Variants in CCDC171 observed in about 807,000 individuals in gnomAD.
CCDC171 encodes coiled-coil domain containing 171.
Under a neutral mutation model 168.2 loss-of-function variants are expected in CCDC171, and 177 were observed. The observed-to-expected ratio is 1.05, with a 90% CI of 0.93 to 1.19. CCDC171 has a LOEUF of 1.19. Among genes scored for constraint, CCDC171 ranks in the 50% most tolerant of loss-of-function variants. The pLI is 0.00. For missense variants in CCDC171, 1,991 were observed against 1,539.0 expected (o/e 1.29, Z -4.91); for synonymous variants, 687 against 540.8 (o/e 1.27, Z -3.75).
At chr9:15,898,597 C>T (rs1260826375) in intron 24 of CCDC171, among the ~76,000 whole-genome samples, 1 of 152,080 alleles carries the variant, frequency 6.6e-6, no homozygotes, top group African/African-American at 2.4e-5. Flanking sequence ...ATGTTTTATT[C>T]TCTTCTTGTT....
the CCDC171 span, among the ~76,000 whole-genome samples, chr9:16,102,511 A>C: frequency 1.5e-4 from 2 of 13,292 alleles, no homozygotes; most frequent in East Asian, 5.1e-3. Context: ...GGGTGGGGGC[A>C]GGGGGGAGGG....
At chr9:15,856,072 T>G (rs2130889562) in intron 23 of CCDC171, among the ~76,000 whole-genome samples, 2 of 152,114 alleles carry the variant, frequency 1.3e-5, no homozygotes, top group South Asian at 4.2e-4. Context: ...CAGGACTCCC[T>G]TTAGCATTTC....
chr9:15,620,829 C>A (rs2044444052), intron 6 of CCDC171, among the ~76,000 whole-genome samples: 1 of 152,172 alleles, frequency 6.6e-6, no homozygotes, highest in Non-Finnish European at 1.5e-5. Context: ...ACTGCCCAGC[C>A]TTCAGCTGCT....
intron 11 of CCDC171, among the ~76,000 whole-genome samples, chr9:15,700,701 G>A (rs1043130077): frequency 2.6e-5 from 4 of 151,868 alleles, no homozygotes; most frequent in African/African-American, 9.7e-5. Context: ...GCCCAGGCTA[G>A]TCTTAAACTC....
chr9:15,887,032 A>G (rs768402002), intron 24 of CCDC171, among the ~76,000 whole-genome samples: 1 of 152,116 alleles, frequency 6.6e-6, no homozygotes, highest in Admixed American at 6.6e-5. Flanking sequence ...CATAAGATGA[A>G]TAATCTCTGG....
chr9:15,803,472 C>A (rs150047735), intron 21 of CCDC171, among the ~76,000 whole-genome samples: 1 of 151,940 alleles, frequency 6.6e-6, no homozygotes, highest in Admixed American at 6.6e-5. Flanking sequence ...TTTCAATTTT[C>A]TGCATATGGC....
chr9:16,009,822 T>C (rs938904518), intron 3 of CCDC171, among the ~76,000 whole-genome samples: 1 of 152,160 alleles, frequency 6.6e-6, no homozygotes, highest in African/African-American at 2.4e-5. Flanking sequence ...TTATTTGAGC[T>C]GCTATAAAAA....
chr9:15,931,456 C>CTTTCT (rs1419009729), intron 25 of CCDC171, among the ~76,000 whole-genome samples: 1 of 44,998 alleles, frequency 2.2e-5, no homozygotes, highest in Admixed American at 2.8e-4. Context: ...TTCTTTCTTT[C>CTTTCT]TTTTTTTTTT....
intron 1 of CCDC171, among the ~76,000 whole-genome samples, chr9:16,054,332 G>C (rs12380692): frequency 0.093 from 14,179 of 152,262 alleles, 928 homozygotes; most frequent in Non-Finnish European, 0.14. Flanking sequence ...ATTCGGGTGT[G>C]CACGAAGTCC....
chr9:15,579,050 GT>G (rs1587106228), intron 4 of CCDC171, 27 bp downstream of exon 4: 1 of 1,590,368 alleles, frequency 6.3e-7, no homozygotes, highest in Non-Finnish European at 8.6e-7. Context: ...TTCTTCCCAA[GT>G]TTAGGGTTGT....
At chr9:16,031,816 A>C (rs970112743) in intron 6 of CCDC171, among the ~76,000 whole-genome samples, 1 of 152,142 alleles carries the variant, frequency 6.6e-6, no homozygotes, top group Non-Finnish European at 1.5e-5. Flanking sequence ...TGGGGTAGCT[A>C]CTGGACACCA....
At chr9:15,569,598 G>A (rs1286285691) in intron 2 of CCDC171, among the ~76,000 whole-genome samples, 1 of 151,858 alleles carries the variant, frequency 6.6e-6, no homozygotes, top group Non-Finnish European at 1.5e-5. Context: ...GGCGGATCAC[G>A]AGGTCAGGAG....
intron 1 of CCDC171, among the ~76,000 whole-genome samples, chr9:16,057,196 C>T (rs949789875): frequency 8.5e-5 from 13 of 152,212 alleles, no homozygotes; most frequent in African/African-American, 2.2e-4. Context: ...GAGGTGGGAG[C>T]AAAGCTTATT....
chr9:15,666,450 T>TATAAA lies in CCDC171; in HGVS notation c.1076+127_1076+128insATAAA, dbSNP rs1187150172. On this transcript the variant is annotated intron_variant, in intron 9 of 25. Coordinates refer to ENST00000380701, the MANE Select transcript of CCDC171 (RefSeq NM_173550.4). Reference sequence around the variant, plus strand: ...AATGTCAGTGGTAGACTGGGGCAAGTGACTTCATAAAACATAACTATACTT... The same window carrying TATAAA: ...AATGTCAGTGGTAGACTGGGGCAAGTATAAAGACTTCATAAAACATAACTATACTT... The TATAAA allele has an allele frequency of 6.5e-6, 4 of 613,566 alleles. No homozygotes were observed. The East Asian group carries it at 1.1e-4, about 17-fold the overall frequency. The allele number at this position is 613,566 out of a possible 1,614,324, so 38.0% of individuals were successfully genotyped here.
chr9:15,659,304 T>A (rs1587794840), intron 8 of CCDC171, among the ~76,000 whole-genome samples: 2 of 152,330 alleles, frequency 1.3e-5, no homozygotes, highest in Admixed American at 1.3e-4. Flanking sequence ...AGGAGATTTG[T>A]TGGACCTGCT....
At chr9:15,718,705 C>G (rs750398687) in intron 11 of CCDC171, among the ~76,000 whole-genome samples, 11 of 152,226 alleles carry the variant, frequency 7.2e-5, no homozygotes, top group Non-Finnish European at 1.2e-4. Context: ...TGAATTTTAT[C>G]AAGACCACAA....
intron 7 of CCDC171, among the ~76,000 whole-genome samples, chr9:15,639,373 GT>G (rs1013987867): frequency 1.3e-5 from 2 of 151,646 alleles, no homozygotes; most frequent in Non-Finnish European, 2.9e-5. Context: ...AAATACTCAA[GT>G]TTTTTTTGCC....
the CCDC171 span, among the ~76,000 whole-genome samples, chr9:16,070,310 T>C: frequency 6.6e-6 from 1 of 151,962 alleles, no homozygotes; most frequent in Non-Finnish European, 1.5e-5. Flanking sequence ...CGGCAAACAA[T>C]TGGTGGGTCA....
At chr9:15,564,985 C>G (rs908601994) in intron 2 of CCDC171, among the ~76,000 whole-genome samples, 1 of 151,878 alleles carries the variant, frequency 6.6e-6, no homozygotes, top group Admixed American at 6.6e-5. Flanking sequence ...TCTAGACTGC[C>G]TTTTCAGCAA....
Sources: allele counts gnomAD v4.1 joint callset (sites outside exome capture counted in the v4.1 genomes callset), GRCh38; gene constraint gnomAD v4.1.1; transcripts MANE v1.5; gene names NCBI Gene and HGNC (gene_info 2026-07-23, HGNC 2026-07-21).